GSK3B: variants seen among roughly 807,000 people sequenced by gnomAD.
GSK3B encodes glycogen synthase kinase-3 beta.
Under a neutral mutation model 56.4 loss-of-function variants are expected in GSK3B, and 15 were observed. The ratio of observed to expected loss-of-function variants is 0.27; its 90% CI spans 0.18 to 0.41. The LOEUF is 0.41. GSK3B is among the 10% of genes least tolerant of loss of function. GSK3B has a pLI of 1.00. For missense variants in GSK3B, 300 were observed against 513.4 expected, an observed-to-expected ratio of 0.58 and a Z score of 4.02; for synonymous variants, 181 against 188.9, an observed-to-expected ratio of 0.96 and a Z score of 0.34.
At chr3:120,092,998 CTTTA>C (rs1461914616) in intron 1 of GSK3B, among the ~76,000 whole-genome samples, 1 of 152,200 alleles carries the variant, frequency 6.6e-6, no homozygotes, top group East Asian at 1.9e-4. Context: ...TTGTCCTTCT[CTTTA>C]TTCTAAAGGA....
intron 3 of GSK3B, among the ~76,000 whole-genome samples, chr3:119,926,355 C>CA (rs1559839705): frequency 1.4e-5 from 2 of 143,520 alleles, no homozygotes; most frequent in African/African-American, 5.9e-5. Flanking sequence ...CACACACACA[C>CA]CCCTATACCC....
intron 8 of GSK3B, among the ~76,000 whole-genome samples, chr3:119,870,641 A>T (rs1372602122): frequency 6.6e-6 from 1 of 152,224 alleles, no homozygotes; most frequent in African/African-American, 2.4e-5. Context: ...AGGTCTACTA[A>T]CATAGGAAAG....
intron 3 of GSK3B, among the ~76,000 whole-genome samples, chr3:119,943,431 C>A (rs558576377): frequency 7.6e-4 from 115 of 152,218 alleles, no homozygotes; most frequent in Middle Eastern, 3.4e-3. Context: ...AGAAAAAAAT[C>A]TTTATGAGAT....
Position 120,090,437 on chromosome 3 carries a change from G to T in GSK3B, c.88+2910C>A, listed in dbSNP as rs115599600. Reference sequence around the variant, plus strand: ...ATTGTATATTAAATTTTAAGAAAGTGAACTCACCTACCCTCTCACCTCAGC... The same window carrying T: ...ATTGTATATTAAATTTTAAGAAAGTTAACTCACCTACCCTCTCACCTCAGC... On this transcript the variant is annotated intron_variant, in intron 1 of 10. Transcript: ENST00000264235. Among the ~76,000 whole-genome samples the T allele has an allele frequency of 5.0e-3, 757 of 152,206 alleles. 7 individuals are homozygous for T. The highest frequency in any genetic ancestry group is 0.018 in the African/African-American group (736 of 41,520).
At chr3:120,071,169 T>C (rs1277578293) in intron 1 of GSK3B, among the ~76,000 whole-genome samples, 1 of 152,196 alleles carries the variant, frequency 6.6e-6, no homozygotes, top group African/African-American at 2.4e-5. Context: ...GTAACTACTG[T>C]GGGAGACACT....
At chr3:119,838,443 T>C (rs2055725729) in intron 10 of GSK3B, among the ~76,000 whole-genome samples, 1 of 152,110 alleles carries the variant, frequency 6.6e-6, no homozygotes, top group Non-Finnish European at 1.5e-5. Flanking sequence ...AGGAAAAAAA[T>C]CAACATCCAT....
intron 2 of GSK3B, among the ~76,000 whole-genome samples, chr3:119,949,762 C>A (rs1372867002): frequency 8.2e-6 from 1 of 121,274 alleles, no homozygotes; most frequent in Non-Finnish European, 1.6e-5. Flanking sequence ...GATCACGCCA[C>A]AGCACTGGGC....
intron 6 of GSK3B, among the ~76,000 whole-genome samples, chr3:119,912,175 G>A (rs2056740724): frequency 6.6e-6 from 1 of 152,036 alleles, no homozygotes; most frequent in African/African-American, 2.4e-5. Flanking sequence ...TGTCTCTCAG[G>A]GAATAGGGAG....
rs1379878308 is a variant in GSK3B, at chr3:120,089,851, C to T, written c.88+3496G>A. On this transcript the variant is annotated intron_variant, in intron 1 of 10. Coordinates refer to ENST00000264235, the MANE Select transcript of GSK3B (RefSeq NM_001146156.2). Reference sequence around the variant, plus strand: ...AATTACATGTAAACTTGGAAGTGAACAAAAATGAAACATTGGTTTCACTAT... The same window carrying T: ...AATTACATGTAAACTTGGAAGTGAATAAAAATGAAACATTGGTTTCACTAT... Among the ~76,000 whole-genome samples, 4 of 151,894 alleles carry T rather than the reference C, an allele frequency of 2.6e-5. No homozygotes were observed. The East Asian group carries it at 7.7e-4, about 29-fold the overall frequency.
At chr3:119,926,377 C>G (rs2056889758) in intron 3 of GSK3B, among the ~76,000 whole-genome samples, 1 of 151,742 alleles carries the variant, frequency 6.6e-6, no homozygotes, top group Non-Finnish European at 1.5e-5. Flanking sequence ...CACATACACC[C>G]TCATATCCAA....
chr3:120,041,033 T>C (rs111562796), intron 1 of GSK3B, among the ~76,000 whole-genome samples: 3,937 of 152,208 alleles, frequency 0.026, 173 homozygotes, highest in African/African-American at 0.089. Flanking sequence ...TCTGCCACAC[T>C]GTGTCACTGG....
At chr3:120,006,460 C>T (rs1476113927) in intron 1 of GSK3B, among the ~76,000 whole-genome samples, 5 of 152,178 alleles carry the variant, frequency 3.3e-5, no homozygotes, top group Admixed American at 3.3e-4. Flanking sequence ...ACAGAATATA[C>T]ATTCTTCTCA....
At chr3:120,053,996 T>C (rs991046309) in intron 1 of GSK3B, among the ~76,000 whole-genome samples, 7 of 152,216 alleles carry the variant, frequency 4.6e-5, no homozygotes, top group African/African-American at 1.7e-4. Context: ...CCTGAACTGT[T>C]GTATTTTAGA....
At chr3:120,028,611 C>G (rs1464118487) in intron 1 of GSK3B, 1 of 305,458 alleles carries the variant, frequency 3.3e-6, no homozygotes, top group Non-Finnish European at 6.6e-6. Flanking sequence ...CACTTTCTAG[C>G]CTTATGGAAA....
intron 6 of GSK3B, among the ~76,000 whole-genome samples, chr3:119,907,248 C>G (rs2056691964): frequency 6.6e-6 from 1 of 152,070 alleles, no homozygotes; most frequent in South Asian, 2.1e-4. Flanking sequence ...CGGAATGATT[C>G]ATCTCAGATA....
At chr3:120,025,002 C>A (rs115353032) in intron 1 of GSK3B, among the ~76,000 whole-genome samples, 2,429 of 152,200 alleles carry the variant, frequency 0.016, 62 homozygotes, top group African/African-American at 0.055. Flanking sequence ...CACTAATCTA[C>A]CTGGTTATCT....
chr3:119,875,085 A>T (rs2056295156), intron 8 of GSK3B, among the ~76,000 whole-genome samples: 1 of 152,044 alleles, frequency 6.6e-6, no homozygotes, highest in South Asian at 2.1e-4. Context: ...CTTACCATAA[A>T]CTTTTAAAAA....
At chr3:120,003,985 T>C (rs2057701695) in intron 1 of GSK3B, among the ~76,000 whole-genome samples, 1 of 152,210 alleles carries the variant, frequency 6.6e-6, no homozygotes, top group Non-Finnish European at 1.5e-5. Context: ...GGATTTCCCT[T>C]TCCTACCCAA....
At chr3:119,977,167 A>G (rs1351378110) in intron 2 of GSK3B, among the ~76,000 whole-genome samples, 1 of 152,210 alleles carries the variant, frequency 6.6e-6, no homozygotes, top group African/African-American at 2.4e-5. Flanking sequence ...TTAAAATTTT[A>G]AAAATGTATT....
Sources: allele counts gnomAD v4.1 joint callset (sites outside exome capture counted in the v4.1 genomes callset), GRCh38; gene constraint gnomAD v4.1.1; transcripts MANE v1.5; gene names NCBI Gene and HGNC (gene_info 2026-07-23, HGNC 2026-07-21).